Variants in NTM observed in about 807,000 individuals in gnomAD.
NTM encodes the protein IgLON family member 2.
Under a neutral mutation model 42.1 loss-of-function variants are expected in NTM, and 13 were observed. The observed-to-expected ratio is 0.31, with a 90% CI of 0.20 to 0.49. NTM has a LOEUF of 0.49. Ranked by LOEUF, NTM falls within the 20% of genes least tolerant of loss-of-function variation. The pLI is 0.99. For synonymous variants in NTM, 187 were observed against 179.2 expected (o/e 1.04, Z -0.35); for missense variants, 373 against 452.8 (o/e 0.82, Z 1.60).
rs5795753 is a variant in NTM at position 132,052,773 on chromosome 11, CTGTG to C, written c.168-93481_168-93478del. Among the ~76,000 whole-genome samples, 934 of 148,350 alleles carry C rather than the reference CTGTG, an allele frequency of 6.3e-3. 6 individuals carry two copies. Among genetic ancestry groups the C allele is most frequent in the African/African-American group, 0.018 (708 of 40,380 alleles). ...TTCACAAACGTATTTTCCAGGCTCA[CTGTG>C]TGTGTGTGTGTGTGTGTGTGTGTGT... is the stretch of plus-strand genomic sequence containing the variant. On this transcript the variant is annotated intron_variant, in intron 2 of 8. Transcript: ENST00000683400.
At chr11:131,617,642 G>C in intron 1 of NTM, among the ~76,000 whole-genome samples, 1 of 152,164 alleles carries the variant, frequency 6.6e-6, no homozygotes, top group East Asian at 1.9e-4. Context: ...GTGTCCAAGC[G>C]TTATGTTGTT....
At chr11:131,564,798 C>T (rs996906753) in intron 1 of NTM, among the ~76,000 whole-genome samples, 2 of 152,180 alleles carry the variant, frequency 1.3e-5, no homozygotes, top group African/African-American at 4.8e-5. Context: ...TCAGACGTTG[C>T]TCCCTGCAAG....
At chr11:132,260,810 C>T (rs146267325) in intron 4 of NTM, among the ~76,000 whole-genome samples, 21 of 152,312 alleles carry the variant, frequency 1.4e-4, no homozygotes, top group African/African-American at 3.8e-4. Context: ...TAGAACACCA[C>T]GGAACCTTCT....
intron 1 of NTM, among the ~76,000 whole-genome samples, chr11:131,761,371 C>T (rs1024530920): frequency 8.5e-5 from 13 of 152,104 alleles, no homozygotes; most frequent in African/African-American, 3.1e-4. Context: ...TGTTTTATAT[C>T]CCCCTCCCCA....
intron 1 of NTM, among the ~76,000 whole-genome samples, chr11:131,575,674 C>T (rs1279260659): frequency 6.6e-6 from 1 of 152,162 alleles, no homozygotes; most frequent in African/African-American, 2.4e-5. Context: ...AGCTGAATAT[C>T]TTCAAGAAAG....
At chr11:131,986,803 T>A (rs2066142661) in intron 2 of NTM, among the ~76,000 whole-genome samples, 1 of 152,102 alleles carries the variant, frequency 6.6e-6, no homozygotes, top group South Asian at 2.1e-4. Flanking sequence ...ATAAAGGGGG[T>A]TCAATAAGTA....
intron 7 of NTM, 197 bp downstream of exon 7, chr11:132,314,900 GAGAA>G (rs1421857590): frequency 1.3e-5 from 18 of 1,352,284 alleles, no homozygotes; most frequent in Middle Eastern, 2.7e-4. Context: ...CAGACAGAAA[GAGAA>G]AGAACAAGAG....
chr11:132,066,398 A>G (rs74885012), intron 2 of NTM, among the ~76,000 whole-genome samples: 9,022 of 152,266 alleles, frequency 0.059, 302 homozygotes, highest in South Asian at 0.17. Context: ...TTGATTCATA[A>G]ATTTTTATGA....
chr11:131,506,384 C>T (rs576566903), intron 1 of NTM, among the ~76,000 whole-genome samples: 3 of 152,264 alleles, frequency 2.0e-5, no homozygotes, highest in South Asian at 4.2e-4. Context: ...TCTGAAGGGT[C>T]GGGGTTATTT....
intron 2 of NTM, among the ~76,000 whole-genome samples, chr11:132,142,936 G>C (rs971373785): frequency 6.6e-6 from 1 of 152,122 alleles, no homozygotes; most frequent in Non-Finnish European, 1.5e-5. Context: ...CGTGTTCATC[G>C]GGAGGTTGTG....
chr11:132,128,394 C>T (rs187915101), intron 2 of NTM, among the ~76,000 whole-genome samples: 12 of 152,256 alleles, frequency 7.9e-5, no homozygotes, highest in African/African-American at 2.9e-4. Flanking sequence ...TTTACTCTCT[C>T]AGCTGTAGAA....
chr11:131,735,582 T>C (rs893144116), intron 1 of NTM, among the ~76,000 whole-genome samples: 1 of 152,234 alleles, frequency 6.6e-6, no homozygotes, highest in African/African-American at 2.4e-5. Flanking sequence ...TTGTTCCACA[T>C]ATGCCCCGAC....
chr11:131,760,891 T>C (rs901250632), intron 1 of NTM, among the ~76,000 whole-genome samples: 1 of 152,178 alleles, frequency 6.6e-6, no homozygotes, highest in Non-Finnish European at 1.5e-5. Flanking sequence ...TCCACGTCCC[T>C]CCTAAGCCCC....
intron 1 of NTM, among the ~76,000 whole-genome samples, chr11:131,550,196 T>C (rs1332356646): frequency 6.6e-6 from 1 of 152,226 alleles, no homozygotes; most frequent in Non-Finnish European, 1.5e-5. Context: ...ACGTGAAATG[T>C]GTTAATTAAG....
chr11:131,651,721 C>A (rs2066503628), intron 1 of NTM, among the ~76,000 whole-genome samples: 2 of 152,090 alleles, frequency 1.3e-5, no homozygotes, highest in African/African-American at 4.8e-5. Flanking sequence ...CACTCCTGTA[C>A]TCCCAGCTAC....
intron 2 of NTM, among the ~76,000 whole-genome samples, chr11:132,006,516 G>A (rs1191252366): frequency 6.6e-6 from 1 of 152,248 alleles, no homozygotes. Flanking sequence ...GGACAAAGGT[G>A]TCTCTGCAGG....
intron 1 of NTM, among the ~76,000 whole-genome samples, chr11:131,773,248 G>A (rs61901640): frequency 2.0e-5 from 3 of 152,092 alleles, no homozygotes; most frequent in Non-Finnish European, 4.4e-5. Flanking sequence ...GTAAGGGATG[G>A]TGGGGCAAAA....
At chr11:131,499,535 G>A (rs763991783) in intron 1 of NTM, among the ~76,000 whole-genome samples, 27 of 152,114 alleles carry the variant, frequency 1.8e-4, no homozygotes, top group Non-Finnish European at 3.4e-4. Context: ...ACACCATGAC[G>A]AAGGTGCTTG....
In NTM at chr11:131,866,018, T is replaced by A. The variant is rs202185142; in HGVS notation, c.83-45546T>A. Among the ~76,000 whole-genome samples, 48 of 70,096 alleles carry A rather than the reference T, an allele frequency of 6.8e-4. 4 individuals carry two copies. The highest frequency in any genetic ancestry group is 1.6e-3 in the African/African-American group (30 of 18,200). 46.0% of individuals were successfully genotyped at this position (70,096 alleles called of 152,430 possible). ...CATGCTACATACACACATGCCACAC[T>A]CTCACACATGCTACATACACACATG... On this transcript the variant is annotated intron_variant, in intron 1 of 8. Transcript: ENST00000683400.
Sources: gnomAD v4.1 joint callset for allele counts (sites outside exome capture counted in the v4.1 genomes callset) on GRCh38, gnomAD v4.1.1 for gene constraint, MANE v1.5 for transcripts, NCBI Gene and HGNC (gene_info 2026-07-23, HGNC 2026-07-21) for gene names.